The following BTRC variants were observed in gnomAD, a reference collection of about 807,000 sequenced individuals.
BTRC encodes beta-transducin repeat containing E3 ubiquitin protein ligase, also known as F-box/WD repeat-containing protein 1A.
In BTRC, 42 loss-of-function variants were observed where a neutral mutation model predicts 85.5. The observed-to-expected ratio is 0.49, with a 90% CI of 0.38 to 0.64. The LOEUF (loss-of-function observed/expected upper bound fraction) is 0.64, where lower values mean the gene tolerates loss of function less well. BTRC is among the 30% of genes least tolerant of loss of function. The pLI, the probability that BTRC is intolerant of heterozygous loss-of-function variation, is 0.00. For missense variants in BTRC, 594 were observed against 743.5 expected (o/e 0.80, Z 2.34); for synonymous variants, 255 against 263.3 (o/e 0.97, Z 0.30).
chr10:101,444,303 CTTG>C (rs761908633), intron 2 of BTRC, among the ~76,000 whole-genome samples: 13 of 152,038 alleles, frequency 8.6e-5, no homozygotes, highest in African/African-American at 1.2e-4. Context: ...ATTTTCAATC[CTTG>C]TTGTCTTCAG....
In BTRC at chr10:101,549,713, C is replaced by CAAAAAAAAAAAAAAAAAAAAAA. The variant is rs755481178; in HGVS notation, c.1657-984_1657-963dup. Among the ~76,000 whole-genome samples the CAAAAAAAAAAAAAAAAAAAAAA allele has an allele frequency of 7.7e-4, 33 of 42,760 alleles. 3 individuals are homozygous for CAAAAAAAAAAAAAAAAAAAAAA. The highest frequency in any genetic ancestry group is 2.5e-3 in the East Asian group (2 of 792). The allele number at this position is 42,760 out of a possible 152,430, so 28.1% of individuals were successfully genotyped here. On this transcript the variant is annotated intron_variant, in intron 13 of 14. Coordinates refer to ENST00000370187, the MANE Select transcript of BTRC (RefSeq NM_033637.4). ...GGGGCGAAAGAGCGAGACTCTGTCT[C>CAAAAAAAAAAAAAAAAAAAAAA]AAAAAAAAAAAAAAAAAAAAAAAGA...
At chr10:101,436,390 A>G (rs994380244) in intron 2 of BTRC, among the ~76,000 whole-genome samples, 2 of 152,184 alleles carry the variant, frequency 1.3e-5, no homozygotes, top group Non-Finnish European at 2.9e-5. Flanking sequence ...CACGCTTATA[A>G]TCTCAGCACT....
intron 1 of BTRC, 44 bp from the exon 2 acceptor site, chr10:101,430,301 C>A: frequency 7.3e-7 from 1 of 1,376,436 alleles, no homozygotes; most frequent in Non-Finnish European, 1.0e-6. Flanking sequence ...TCTGTGCCAT[C>A]CTGTCTCATA....
chr10:101,512,057 A>G (rs529467321), intron 4 of BTRC, among the ~76,000 whole-genome samples: 1 of 152,246 alleles, frequency 6.6e-6, no homozygotes, highest in Non-Finnish European at 1.5e-5. Flanking sequence ...CAGAGAAGGC[A>G]AAGACACTTT....
chr10:101,367,785 T>C (rs1052876366), intron 1 of BTRC, among the ~76,000 whole-genome samples: 2 of 152,110 alleles, frequency 1.3e-5, no homozygotes, highest in Non-Finnish European at 2.9e-5. Context: ...AGGTGTGGTG[T>C]GTTTATTCTT....
intron 1 of BTRC, among the ~76,000 whole-genome samples, chr10:101,405,398 A>AGAAT (rs1943595491): frequency 6.6e-6 from 1 of 152,070 alleles, no homozygotes; most frequent in African/African-American, 2.4e-5. Context: ...TTGCTTTGAG[A>AGAAT]GAATAGCAAG....
At chr10:101,423,236 A>T (rs1944156405) in intron 1 of BTRC, among the ~76,000 whole-genome samples, 1 of 152,072 alleles carries the variant, frequency 6.6e-6, no homozygotes, top group Non-Finnish European at 1.5e-5. Context: ...TATTTACCTT[A>T]CTAGTTTATT....
Position 101,415,272 on chromosome 10 carries a change from C to G in BTRC, c.49-15073C>G, listed in dbSNP as rs531600101. On this transcript the variant is annotated intron_variant, in intron 1 of 14. Coordinates refer to ENST00000370187, the MANE Select transcript of BTRC (RefSeq NM_033637.4). The stretch of plus-strand genomic sequence containing the variant: ...CTTACTTCAGCCTCCACATTCCAGG[C>G]TGAAATGATCCTCCTGCTGCAGTCT... Among the ~76,000 whole-genome samples, 9 of 151,570 alleles carry G rather than the reference C, an allele frequency of 5.9e-5. No homozygotes were observed. In the South Asian group the frequency reaches 1.7e-3, roughly 28 times the overall value.
In BTRC at chr10:101,556,776, AGTT is replaced by A. The variant is rs2062728806; in HGVS notation, c.*3655_*3657del. On this transcript the variant is annotated 3_prime_UTR_variant, in exon 15 of 15. Coordinates refer to ENST00000370187, the MANE Select transcript of BTRC (RefSeq NM_033637.4). ...ATCTTTAGAAGCTCCTTCTGTTGGA[AGTT>A]GAGTACCTGTGATCTAAAATGTCCT... is the stretch of plus-strand genomic sequence containing the variant. 1 of 152,226 alleles carries A rather than the reference AGTT, an allele frequency of 6.6e-6. No individual in the cohort carries two copies. The highest frequency in any genetic ancestry group is 2.4e-5 in the African/African-American group (1 of 41,446). The allele number at this position is 152,226 out of a possible 1,614,324, so 9.4% of individuals were successfully genotyped here. A position where few individuals can be genotyped will look rare whatever the true frequency, so the allele number is the denominator to read the frequency against.
At chr10:101,475,938 TATATATATATATATA>T (rs1945670814) in intron 3 of BTRC, among the ~76,000 whole-genome samples, 3 of 119,758 alleles carry the variant, frequency 2.5e-5, no homozygotes, top group Non-Finnish European at 3.7e-5. Context: ...TATATATATA[TATATATATATATATA>T]TTCAGTAATT....
chr10:101,396,364 C>A (rs961064504), intron 1 of BTRC, among the ~76,000 whole-genome samples: 4 of 148,934 alleles, frequency 2.7e-5, no homozygotes, highest in African/African-American at 7.4e-5. Context: ...TGAATTTCTG[C>A]AAGATTCTGC....
At chr10:101,441,842 A>G (rs537433334) in intron 2 of BTRC, among the ~76,000 whole-genome samples, 5 of 135,060 alleles carry the variant, frequency 3.7e-5, no homozygotes, top group African/African-American at 1.4e-4. Context: ...GATCACACCC[A>G]CTGCACTGCA....
chr10:101,492,116 AC>A (rs983677499), intron 4 of BTRC, among the ~76,000 whole-genome samples: 50 of 152,332 alleles, frequency 3.3e-4, no homozygotes, highest in African/African-American at 1.1e-3. Context: ...ACAAACAGGA[AC>A]AGCAAAATAT....
intron 1 of BTRC, among the ~76,000 whole-genome samples, chr10:101,407,219 A>G (rs1453669898): frequency 6.6e-6 from 1 of 152,042 alleles, no homozygotes; most frequent in Non-Finnish European, 1.5e-5. Flanking sequence ...GTAGTGGTAT[A>G]CACCTGTAGT....
chr10:101,519,042 C>A (rs1027400818), intron 4 of BTRC, among the ~76,000 whole-genome samples: 3 of 145,378 alleles, frequency 2.1e-5, no homozygotes, highest in African/African-American at 7.6e-5. Context: ...GAGTTCTCAT[C>A]TGGAAGCTCA....
intron 5 of BTRC, among the ~76,000 whole-genome samples, chr10:101,524,503 C>A (rs2062162557): frequency 6.6e-6 from 1 of 152,074 alleles, no homozygotes; most frequent in South Asian, 2.1e-4. Context: ...ACCTATATAC[C>A]ATCTGGCTAT....
At chr10:101,508,934 A>C (rs1286134484) in intron 4 of BTRC, among the ~76,000 whole-genome samples, 1 of 141,182 alleles carries the variant, frequency 7.1e-6, no homozygotes, top group Admixed American at 7.2e-5. Context: ...AAAAAAAAAA[A>C]AACTAAAAGT....
chr10:101,442,148 C>T (rs1000359788), intron 2 of BTRC, among the ~76,000 whole-genome samples: 3 of 152,074 alleles, frequency 2.0e-5, no homozygotes, highest in South Asian at 2.1e-4. Flanking sequence ...GTATTTTAAA[C>T]CTAGCTCCAG....
At chr10:101,408,909 C>T (rs547789480) in intron 1 of BTRC, among the ~76,000 whole-genome samples, 44 of 151,862 alleles carry the variant, frequency 2.9e-4, no homozygotes, top group African/African-American at 1.0e-3. Flanking sequence ...ATTAGCTGGG[C>T]GTGGTGGTGG....
Sources: allele counts gnomAD v4.1 joint callset (sites outside exome capture counted in the v4.1 genomes callset), GRCh38; gene constraint gnomAD v4.1.1; transcripts MANE v1.5; gene names NCBI Gene and HGNC (gene_info 2026-07-23, HGNC 2026-07-21).